The following SFPQ variants were observed in gnomAD, a reference collection of about 807,000 sequenced individuals.
SFPQ encodes splicing factor, proline- and glutamine-rich.
Under a neutral mutation model 72.9 loss-of-function variants are expected in SFPQ, and 11 were observed. That is an observed-to-expected ratio of 0.15 (90% CI 0.09 to 0.25). The LOEUF (loss-of-function observed/expected upper bound fraction) is 0.25, where lower values mean the gene tolerates loss of function less well. Among genes scored for constraint, SFPQ ranks in the 10% least tolerant of loss-of-function variants. The pLI, the probability that SFPQ is intolerant of heterozygous loss-of-function variation, is 1.00. For missense variants in SFPQ, 847 were observed against 993.3 expected, an observed-to-expected ratio of 0.85 and a Z score of 1.98; for synonymous variants, 506 against 367.3, an observed-to-expected ratio of 1.38 and a Z score of -4.32.
chr1:35,183,706 A>T lies in SFPQ; in HGVS notation c.*750T>A. On this transcript the variant is annotated 3_prime_UTR_variant, in exon 10 of 10. Transcript: ENST00000357214. ...AACAAGAAATGGGGAAATGCAACAA[A>T]ATGACCTTTCCACTTTTCAAAAGCT... 9.6e-7 allele frequency: 1 copy of T among 1,044,896 alleles called. No homozygotes were observed. Among genetic ancestry groups the T allele is most frequent in the Non-Finnish European group, 1.2e-6 (1 of 866,132 alleles). 64.7% of individuals were successfully genotyped at this position (1,044,896 alleles called of 1,614,324 possible).
intron 2 of SFPQ, 27 bp from the exon 3 acceptor site, chr1:35,191,022 T>C (rs780454394): frequency 2.3e-5 from 36 of 1,592,234 alleles, no homozygotes; most frequent in African/African-American, 4.0e-5. Flanking sequence ...CTCATGTTAA[T>C]GACCTCAAAA....
At position 35,192,665 on chromosome 1, in the gene SFPQ, T is replaced by C. The variant is rs1224039108; in HGVS notation, c.385A>G (p.Ser129Gly). ...GGTGGAGTGGCGGGCGGGGCCGAGC[T>C]GGAGGCTGGTGGTGCGCTGCCTACT... ...PGVGSAPPAS[S>G]SAPPATPPTS... is the part of the protein sequence containing the mutation. The change falls in exon 1 of 10, where the codon AGC becomes GGC. Residue 129 changes from serine (S) to glycine (G), a missense_variant. This residue lies in a region of SFPQ where 498 missense variants were observed against 405.1 expected (regional missense o/e 1.23). Coordinates refer to ENST00000357214, the MANE Select transcript of SFPQ (RefSeq NM_005066.3). 2.9e-6 allele frequency: 4 copies of C among 1,394,968 alleles called. No homozygotes were observed. Among genetic ancestry groups the C allele is most frequent in the Non-Finnish European group, 3.7e-6 (4 of 1,083,750 alleles). The allele number at this position is 1,394,968 out of a possible 1,614,324, so 86.4% of individuals were successfully genotyped here. A position where few individuals can be genotyped will look rare whatever the true frequency, so the allele number is the denominator to read the frequency against.
intron 4 of SFPQ, 80 bp downstream of exon 4, chr1:35,190,418 G>A (rs1245585143): frequency 5.0e-6 from 5 of 997,144 alleles, no homozygotes; most frequent in South Asian, 1.5e-5. Context: ...CATATTTTAA[G>A]CAAAATTGGA....
Position 35,192,322 on chromosome 1 carries a change from C to A in SFPQ, c.728G>T (p.Gly243Val). The A allele has an allele frequency of 1.4e-6, 2 of 1,422,432 alleles. No homozygotes were observed. The highest frequency in any genetic ancestry group is 1.8e-6 in the Non-Finnish European group (2 of 1,100,724). The allele number at this position is 1,422,432 out of a possible 1,614,324, so 88.1% of individuals were successfully genotyped here. The change falls in exon 1 of 10, where the codon GGG (glycine) becomes GTG (valine). Residue 243 changes from glycine to valine, a missense_variant. Gly to Val is a moderately radical substitution (Grantham distance 109). Transcript: ENST00000357214. ...PPHRGGGEPR[G>V]GRQHHPPYHQ... ...GTAGGGCGGGTGGTGCTGGCGGCCC[C>A]CGCGGGGCTCCCCGCCGCCTCGATG... is the stretch of plus-strand genomic sequence containing the variant.
intron 5 of SFPQ, among the ~76,000 whole-genome samples, chr1:35,176,873 C>CAAAA (rs10604866): frequency 1.1e-5 from 1 of 91,576 alleles, no homozygotes. Flanking sequence ...GACTCCGTCT[C>CAAAA]AAAAAAAAAA....
downstream of SFPQ, chr1:35,181,636 A>C (rs1363227172): frequency 2.1e-5 from 22 of 1,060,784 alleles, no homozygotes; most frequent in African/African-American, 4.9e-5. Flanking sequence ...TATAAAAAAC[A>C]ACCAGTGTTC....
At chr1:35,179,408 CA>C (rs1639376356), downstream of SFPQ, 1 of 1,056,738 alleles carries the variant, frequency 9.5e-7, no homozygotes, top group African/African-American at 1.7e-5. Flanking sequence ...GTATCTGTTC[CA>C]AGGGCCTAAC....
rs2148624835 is a variant in SFPQ at position 35,190,915 on chromosome 1, A to G, written c.1098T>C (p.Phe366=). ...CAGAAAGGGCAGCAGCATGTGTGGC[A>G]AAGCGAACTCGAAGCTGTCTACCTC... ...PMRGRQLRVR[F]ATHAAALSVR... Residue 366 remains phenylalanine, a synonymous_variant, in exon 3 of 10, where the codon TTT becomes TTC. Coordinates refer to ENST00000357214, the MANE Select transcript of SFPQ (RefSeq NM_005066.3). 1.9e-6 allele frequency: 3 copies of G among 1,614,216 alleles called. No individual in the cohort carries two copies. The highest frequency in any genetic ancestry group is 2.5e-6 in the Non-Finnish European group (3 of 1,180,036).
intron 9 of SFPQ, among the ~76,000 whole-genome samples, chr1:35,185,328 T>C (rs1639656646): frequency 6.6e-6 from 1 of 152,198 alleles, no homozygotes; most frequent in Non-Finnish European, 1.5e-5. Context: ...GCAAACTAAA[T>C]GAACAAACCC....
downstream of SFPQ, chr1:35,178,476 A>C (rs1212568583): frequency 1.6e-5 from 17 of 1,064,380 alleles, no homozygotes; most frequent in Non-Finnish European, 1.8e-5. Flanking sequence ...CTTCAGCAGG[A>C]GTCCTCCAAG....
At chr1:35,190,205 A>G (rs1354474140) in intron 4 of SFPQ, among the ~76,000 whole-genome samples, 1 of 152,206 alleles carries the variant, frequency 6.6e-6, no homozygotes, top group Non-Finnish European at 1.5e-5. Flanking sequence ...GGTTGCAGAG[A>G]GCTGAGGTCA....
chr1:35,178,901 A>AT, downstream of SFPQ: 1 of 1,040,006 alleles, frequency 9.6e-7, no homozygotes, highest in Non-Finnish European at 1.2e-6. Context: ...AAAAAAAAAA[A>AT]TATTTTTTTC....
chr1:35,188,889 A>AAGC, intron 6 of SFPQ, 114 bp downstream of exon 6: 1 of 772,490 alleles, frequency 1.3e-6, no homozygotes. Context: ...TGAACCCAGG[A>AAGC]AGCGGAGGTT....
rs1639582168 is a variant in SFPQ at position 35,183,798 on chromosome 1, C to A, written c.*658G>T. The A allele has an allele frequency of 2.0e-5, 21 of 1,055,192 alleles. No homozygotes were observed. The highest frequency in any genetic ancestry group is 2.4e-5 in the Non-Finnish European group (21 of 872,620). The allele number at this position is 1,055,192 out of a possible 1,614,324, so 65.4% of individuals were successfully genotyped here. A position where few individuals can be genotyped will look rare whatever the true frequency, so the allele number is the denominator to read the frequency against. The stretch of plus-strand genomic sequence containing the variant: ...TAATCAAACCCACTTTCACCCCCTA[C>A]CAATTGTCTTACACCCATTCCACAA... On this transcript the variant is annotated 3_prime_UTR_variant, in exon 10 of 10. Coordinates refer to ENST00000357214, the MANE Select transcript of SFPQ (RefSeq NM_005066.3).
At chr1:35,191,797 A>T (rs777695581) in intron 1 of SFPQ, among the ~76,000 whole-genome samples, 3 of 152,178 alleles carry the variant, frequency 2.0e-5, no homozygotes, top group African/African-American at 4.8e-5. Context: ...GAGTGTCCCT[A>T]AAAAAATCTA....
intron 1 of SFPQ, 51 bp from the exon 2 acceptor site, chr1:35,191,580 A>T: frequency 7.1e-7 from 1 of 1,414,166 alleles, no homozygotes; most frequent in Non-Finnish European, 9.8e-7. Flanking sequence ...CTGCAAGTGA[A>T]AATCCCCAAG....
At chr1:35,190,435 CTA>C (rs749636906) in intron 4 of SFPQ, 61 bp downstream of exon 4, 137 of 1,195,100 alleles carry the variant, frequency 1.1e-4, no homozygotes, top group Non-Finnish European at 1.6e-4. Context: ...TGGAAAATCA[CTA>C]AAATAAATTT....
chr1:35,188,893 G>A lies in SFPQ; in HGVS notation c.1697+110C>T, dbSNP rs577279325. ...AGAGAATCGCTTGAACCCAGGAAGC[G>A]GAGGTTGTGGTGAGCTGAGACTGCA... is the stretch of plus-strand genomic sequence containing the variant. On this transcript the variant is annotated intron_variant, in intron 6 of 9. Coordinates refer to ENST00000357214, the MANE Select transcript of SFPQ (RefSeq NM_005066.3). 225 of 798,798 alleles carry A rather than the reference G, an allele frequency of 2.8e-4. 2 individuals are homozygous for A. The Admixed American group carries it at 2.8e-3, about 10-fold the overall frequency. 49.5% of individuals were successfully genotyped at this position (798,798 alleles called of 1,614,324 possible). A position where few individuals can be genotyped will look rare whatever the true frequency, so the allele number is the denominator to read the frequency against.
chr1:35,186,766 A>G (rs1267710511), intron 9 of SFPQ, among the ~76,000 whole-genome samples: 1 of 152,144 alleles, frequency 6.6e-6, no homozygotes, highest in South Asian at 2.1e-4. Context: ...ATTCCACATA[A>G]TACTAACAGC....
Sources: gnomAD v4.1 joint callset for allele counts (sites outside exome capture counted in the v4.1 genomes callset) on GRCh38, gnomAD v4.1.1 for gene constraint, gnomAD v4.1.1 regional missense constraint, MANE v1.5 for transcripts, NCBI Gene and HGNC (gene_info 2026-07-23, HGNC 2026-07-21) for gene names.